The following ULK4 variants were observed in gnomAD, a reference collection of about 807,000 sequenced individuals.
ULK4 encodes unc-51 like kinase 4.
ULK4 carries 133 observed loss-of-function variants against 160.6 expected under a neutral mutation model. The observed-to-expected ratio is 0.83, with a 90% confidence interval of 0.72 to 0.96. The LOEUF (loss-of-function observed/expected upper bound fraction) is 0.96, where lower values mean the gene tolerates loss of function less well. ULK4 is among the 40% of genes least tolerant of loss of function. ULK4 has a pLI of 0.00. For synonymous variants in ULK4, 534 were observed against 539.8 expected (o/e 0.99, Z 0.15); for missense variants, 1,580 against 1,499.5 (o/e 1.05, Z -0.89).
chr3:41,255,314 T>C (rs1254420715), intron 35 of ULK4, among the ~76,000 whole-genome samples: 1 of 152,022 alleles, frequency 6.6e-6, no homozygotes, highest in African/African-American at 2.4e-5. Flanking sequence ...AAACCCCGTT[T>C]CTACTAAAAA....
At chr3:41,659,946 A>C (rs974439314) in intron 30 of ULK4, among the ~76,000 whole-genome samples, 3 of 152,192 alleles carry the variant, frequency 2.0e-5, no homozygotes, top group Admixed American at 2.0e-4. Context: ...TTTAGTGAAA[A>C]AAAAATCAAA....
chr3:41,633,577 C>T (rs1223966632), intron 30 of ULK4, among the ~76,000 whole-genome samples: 1 of 151,996 alleles, frequency 6.6e-6, no homozygotes, highest in Non-Finnish European at 1.5e-5. Context: ...AATGTCATTA[C>T]CAGATTTATA....
At chr3:41,396,337 A>AG (rs1342114178) in intron 35 of ULK4, among the ~76,000 whole-genome samples, 1 of 30,150 alleles carries the variant, frequency 3.3e-5, no homozygotes, top group Admixed American at 2.5e-4. Context: ...TCTAAGTTTC[A>AG]AAAAAAAAAT....
chr3:41,623,429 G>A (rs975493888), intron 30 of ULK4, among the ~76,000 whole-genome samples: 5 of 152,156 alleles, frequency 3.3e-5, no homozygotes, highest in Non-Finnish European at 7.3e-5. Flanking sequence ...ATTCATTGCA[G>A]CATTATCCAT....
At chr3:41,876,243 T>C (rs551758771) in intron 17 of ULK4, among the ~76,000 whole-genome samples, 1 of 152,278 alleles carries the variant, frequency 6.6e-6, no homozygotes, top group South Asian at 2.1e-4. Flanking sequence ...TTTCTTATAA[T>C]GATGCAAAGG....
intron 32 of ULK4, among the ~76,000 whole-genome samples, chr3:41,509,076 T>C (rs2085487929): frequency 6.6e-6 from 1 of 151,758 alleles, no homozygotes; most frequent in Admixed American, 6.6e-5. Context: ...AAAAACATGA[T>C]ACAGGATATG....
intron 2 of ULK4, among the ~76,000 whole-genome samples, chr3:41,946,639 G>A (rs370245896): frequency 1.0e-3 from 153 of 152,264 alleles, no homozygotes; most frequent in African/African-American, 2.8e-3. Context: ...GTTTACCAAC[G>A]TAGTGAAATT....
rs146864698 is a variant in ULK4 at position 41,552,242 on chromosome 3, A to T, written c.3226+13783T>A. ...CTTTCACCACTCCTATACAACATAA[A>T]ATTGGAAATCCTAGCCAGAGCAATC... On this transcript the variant is annotated intron_variant, in intron 32 of 36. Transcript: ENST00000301831. 4.6e-3 allele frequency among the ~76,000 whole-genome samples: 707 copies of T among 152,058 alleles called. 4 individuals are homozygous for T. The highest frequency in any genetic ancestry group is 0.016 in the African/African-American group (683 of 41,538).
At chr3:41,326,145 C>T (rs561822606) in intron 35 of ULK4, among the ~76,000 whole-genome samples, 1 of 152,072 alleles carries the variant, frequency 6.6e-6, no homozygotes, top group African/African-American at 2.4e-5. Context: ...CAGGGGGGGG[C>T]TCCCCAAGAA....
intron 35 of ULK4, among the ~76,000 whole-genome samples, chr3:41,279,255 T>TAAAAAAAAAAAAAAAAA (rs771175184): frequency 4.6e-5 from 2 of 43,066 alleles, no homozygotes; most frequent in Non-Finnish European, 8.5e-5. Flanking sequence ...AAAAAAAGAG[T>TAAAAAAAAAAAAAAAAA]AAAAAAAAAA....
At chr3:41,937,517 C>T (rs1346778495) in intron 3 of ULK4, among the ~76,000 whole-genome samples, 1 of 149,592 alleles carries the variant, frequency 6.7e-6, no homozygotes, top group Non-Finnish European at 1.5e-5. Flanking sequence ...AACAGTAATA[C>T]CTATTAATAG....
chr3:41,771,731 G>A (rs914254681), intron 21 of ULK4, among the ~76,000 whole-genome samples: 40 of 152,016 alleles, frequency 2.6e-4, no homozygotes, highest in African/African-American at 9.2e-4. Context: ...AGAGATCCTC[G>A]AAAAATTCAA....
chr3:41,716,074 A>G (rs1346571603), intron 23 of ULK4, among the ~76,000 whole-genome samples: 1 of 151,364 alleles, frequency 6.6e-6, no homozygotes, highest in East Asian at 1.9e-4. Flanking sequence ...TAGCCTGGGC[A>G]TGATGGTGTG....
At chr3:41,749,376 A>G (rs180825959) in intron 22 of ULK4, among the ~76,000 whole-genome samples, 38 of 152,224 alleles carry the variant, frequency 2.5e-4, no homozygotes, top group African/African-American at 8.9e-4. Flanking sequence ...CCAGCTACTC[A>G]GGAGGCTGAG....
At chr3:41,727,026 C>G (rs929858446) in intron 22 of ULK4, among the ~76,000 whole-genome samples, 1 of 152,100 alleles carries the variant, frequency 6.6e-6, no homozygotes, top group Non-Finnish European at 1.5e-5. Flanking sequence ...CTGCATTTCT[C>G]TCCATTTATC....
At chr3:41,435,069 C>A (rs373635849) in intron 34 of ULK4, among the ~76,000 whole-genome samples, 3 of 152,234 alleles carry the variant, frequency 2.0e-5, no homozygotes, top group African/African-American at 7.2e-5. Context: ...ATGAGCTGAA[C>A]CATAATTATA....
intron 25 of ULK4, among the ~76,000 whole-genome samples, chr3:41,712,843 A>C (rs1223667651): frequency 6.6e-6 from 1 of 152,064 alleles, no homozygotes; most frequent in Non-Finnish European, 1.5e-5. Context: ...AGTGAGCCTG[A>C]TTGTGCCACT....
intron 22 of ULK4, among the ~76,000 whole-genome samples, chr3:41,747,822 C>A (rs780185532): frequency 1.6e-4 from 25 of 152,010 alleles, no homozygotes; most frequent in Non-Finnish European, 3.2e-4. Context: ...TCACCAGAAA[C>A]CAAACCTGTC....
At chr3:41,840,021 T>C (rs1054096284) in intron 17 of ULK4, among the ~76,000 whole-genome samples, 1 of 152,176 alleles carries the variant, frequency 6.6e-6, no homozygotes. Context: ...AATGGACAGA[T>C]CTAATCAAAT....
Sources: allele counts gnomAD v4.1 joint callset (sites outside exome capture counted in the v4.1 genomes callset), GRCh38; gene constraint gnomAD v4.1.1; transcripts MANE v1.5; gene names NCBI Gene and HGNC (gene_info 2026-07-23, HGNC 2026-07-21).